The following EPB41 variants were observed in gnomAD, a reference collection of about 807,000 sequenced individuals.
EPB41 encodes the protein protein 4.1.
A neutral mutation model predicts 108.0 loss-of-function variants in EPB41; 65 were observed. That is an observed-to-expected ratio of 0.60 (90% confidence interval 0.49 to 0.74). EPB41 has a LOEUF of 0.74. EPB41 is among the 30% of genes least tolerant of loss of function. EPB41 has a pLI of 0.00. For missense variants in EPB41, 875 were observed against 1,037.0 expected (o/e 0.84, Z 2.15); for synonymous variants, 336 against 358.9 (o/e 0.94, Z 0.72).
At chr1:29,099,943 GAGTT>G (rs1432090986) in intron 17 of EPB41, among the ~76,000 whole-genome samples, 1 of 152,206 alleles carries the variant, frequency 6.6e-6, no homozygotes, top group Non-Finnish European at 1.5e-5. Context: ...ATGGGGTAAA[GAGTT>G]AGACAATATG....
chr1:28,994,555 A>G (rs1470067067), intron 3 of EPB41, among the ~76,000 whole-genome samples: 1 of 152,206 alleles, frequency 6.6e-6, no homozygotes, highest in Non-Finnish European at 1.5e-5. Flanking sequence ...TATGCTTGAT[A>G]TATAAGCAAT....
chr1:28,994,498 T>C lies in EPB41; in HGVS notation c.681+956T>C, dbSNP rs183646726. 2.3e-3 allele frequency among the ~76,000 whole-genome samples: 353 copies of C among 152,220 alleles called. 4 individuals are homozygous for C. Among genetic ancestry groups the C allele is most frequent in the Non-Finnish European group, 8.4e-4 (57 of 68,004 alleles). On this transcript the variant is annotated intron_variant, in intron 3 of 20. Transcript: ENST00000343067. The stretch of plus-strand genomic sequence containing the variant: ...AGCAAGTTGAAATTTTAAAAAAATC[T>C]ACTAACTATATATTTTTCAAACTGG...
chr1:29,039,312 C>A lies in EPB41; in HGVS notation c.1522C>A (p.Arg508=), dbSNP rs773107079. The part of the protein sequence containing the change: ...SKFLALGSKF[R]YSGRTQAQTR... ...ATTTCTTGCGCTAGGATCCAAATTT[C>A]GATACAGTGGCCGGACTCAAGCTCA... Residue 508 remains arginine (R), a synonymous_variant, in exon 11 of 21, where the codon CGA becomes AGA. Transcript: ENST00000343067. 5 of 1,614,112 alleles carry A rather than the reference C, an allele frequency of 3.1e-6. No individual in the cohort carries two copies. In the South Asian group the frequency reaches 5.5e-5, roughly 18 times the overall value.
chr1:29,092,718 G>A (rs1239598287), intron 16 of EPB41, among the ~76,000 whole-genome samples: 2 of 151,954 alleles, frequency 1.3e-5, no homozygotes, highest in African/African-American at 4.8e-5. Flanking sequence ...CCACCCTCAA[G>A]TAGGCCCTGG....
intron 10 of EPB41, among the ~76,000 whole-genome samples, chr1:29,037,098 C>T (rs2150387376): frequency 6.6e-6 from 1 of 151,710 alleles, no homozygotes; most frequent in Middle Eastern, 3.4e-3. Context: ...ATTTCCTCTG[C>T]TGTTTGTTTG....
chr1:28,962,402 C>T (rs1433473361), intron 1 of EPB41, among the ~76,000 whole-genome samples: 2 of 152,132 alleles, frequency 1.3e-5, no homozygotes, highest in Non-Finnish European at 2.9e-5. Flanking sequence ...ACCGCAGTTA[C>T]TTTTGCATCA....
intron 1 of EPB41, among the ~76,000 whole-genome samples, chr1:28,979,391 A>G (rs1211560086): frequency 1.3e-5 from 2 of 151,518 alleles, no homozygotes; most frequent in South Asian, 2.1e-4. Flanking sequence ...GAAAAATACA[A>G]GAGATCTCCC....
chr1:29,115,720 G>A lies in EPB41; in HGVS notation c.2518G>A (p.Glu840Lys), dbSNP rs1356910911. The A allele has an allele frequency of 6.2e-7, 1 of 1,614,064 alleles. No individual in the cohort carries two copies. The highest frequency in any genetic ancestry group is 1.7e-5 in the Admixed American group (1 of 60,020). The change falls in exon 20 of 21, where the codon GAG becomes AAG. Residue 840 changes from glutamate (E) to lysine (K), a missense_variant. Glu to Lys is a moderately conservative substitution (Grantham distance 56). Coordinates refer to ENST00000343067, the MANE Select transcript of EPB41 (RefSeq NM_001376013.1). The surrounding 1 kb of genome is among the most constrained non-coding windows in gnomAD (Gnocchi z 4.4). ...HDQVLVQAIKEAKEQHPDMSV... is the reference protein window; with the variant it reads ...HDQVLVQAIKKAKEQHPDMSV... ...GTAGGTCCTTGTACAAGCCATCAAG[G>A]AGGCAAAGGAGCAGCACCCAGACAT...
At chr1:28,959,085 A>G (rs2095086749) in intron 1 of EPB41, among the ~76,000 whole-genome samples, 1 of 151,958 alleles carries the variant, frequency 6.6e-6, no homozygotes, top group African/African-American at 2.4e-5. Flanking sequence ...AGGAAGCAGC[A>G]AGTAGTTCTA....
intron 1 of EPB41, among the ~76,000 whole-genome samples, chr1:28,924,373 A>G (rs1434810788): frequency 2.6e-5 from 4 of 152,234 alleles, no homozygotes; most frequent in African/African-American, 4.8e-5. Context: ...TACTAAAAAT[A>G]GAAGAATTAC....
chr1:29,061,572 G>GTTTGTTTTTTT (rs1646544792), intron 15 of EPB41, among the ~76,000 whole-genome samples: 1 of 64,036 alleles, frequency 1.6e-5, no homozygotes. Context: ...CCTGGCCTTT[G>GTTTGTTTTTTT]TTTTTTTTTT....
chr1:28,989,915 C>T (rs2095966729), intron 2 of EPB41, among the ~76,000 whole-genome samples: 1 of 151,986 alleles, frequency 6.6e-6, no homozygotes, highest in African/African-American at 2.4e-5. Flanking sequence ...GGCAAAGAAA[C>T]CATTCATATC....
intron 16 of EPB41, among the ~76,000 whole-genome samples, chr1:29,093,235 AAC>A (rs1331762871): frequency 6.6e-6 from 1 of 152,188 alleles, no homozygotes; most frequent in African/African-American, 2.4e-5. Flanking sequence ...ACTTTTTAGT[AAC>A]AGCCATTCTG....
chr1:28,931,400 A>G (rs1028770906), intron 1 of EPB41, among the ~76,000 whole-genome samples: 5 of 151,486 alleles, frequency 3.3e-5, no homozygotes, highest in African/African-American at 4.9e-5. Flanking sequence ...AGGCTGAAAA[A>G]TAGCACAAAT....
At chr1:28,911,119 T>C (rs2092234085), upstream of EPB41, 3 of 985,302 alleles carry the variant, frequency 3.0e-6, no homozygotes, top group Non-Finnish European at 2.4e-6. Flanking sequence ...AGGTAGTTTT[T>C]CCACCTTCAT....
At chr1:28,975,940 CAAA>C (rs775554564) in intron 1 of EPB41, among the ~76,000 whole-genome samples, 4 of 67,676 alleles carry the variant, frequency 5.9e-5, no homozygotes, top group African/African-American at 5.3e-5. Context: ...GACTCCATCT[CAAA>C]AAAAAAAAAA....
chr1:29,009,529 T>G (rs563593240), intron 4 of EPB41, among the ~76,000 whole-genome samples: 1 of 152,292 alleles, frequency 6.6e-6, no homozygotes, highest in South Asian at 2.1e-4. Flanking sequence ...ATGGAAAACA[T>G]GAGTCTTCTA....
chr1:28,927,681 C>T (rs1001740947), intron 1 of EPB41, among the ~76,000 whole-genome samples: 1 of 152,112 alleles, frequency 6.6e-6, no homozygotes, highest in African/African-American at 2.4e-5. Context: ...CTCCCTTTCT[C>T]CTTCTCCTCT....
intron 17 of EPB41, among the ~76,000 whole-genome samples, chr1:29,101,371 C>T (rs1438336126): frequency 6.6e-6 from 1 of 152,164 alleles, no homozygotes; most frequent in Middle Eastern, 3.2e-3. Flanking sequence ...TACCACTGAC[C>T]ATTGCAAGCT....
Sources: allele counts gnomAD v4.1 joint callset (sites outside exome capture counted in the v4.1 genomes callset), GRCh38; gene constraint gnomAD v4.1.1; non-coding constraint Gnocchi (gnomAD v3.1); transcripts MANE v1.5; gene names NCBI Gene and HGNC (gene_info 2026-07-23, HGNC 2026-07-21).